NEDD9: variants seen among roughly 807,000 people sequenced by gnomAD.
NEDD9 encodes the protein enhancer of filamentation 1.
NEDD9 carries 26 observed loss-of-function variants against 76.6 expected under a neutral mutation model. The ratio of observed to expected loss-of-function variants is 0.34; its 90% confidence interval spans 0.25 to 0.47. The LOEUF is 0.47. Ranked by LOEUF, NEDD9 falls within the 20% of genes least tolerant of loss-of-function variation. NEDD9 has a pLI of 1.00. For synonymous variants in NEDD9, 392 were observed against 414.2 expected, an observed-to-expected ratio of 0.95 and a Z score of 0.65; for missense variants, 937 against 1,058.5, an observed-to-expected ratio of 0.89 and a Z score of 1.59.
intron 3 of NEDD9, among the ~76,000 whole-genome samples, chr6:11,290,317 G>C (rs1582001089): frequency 6.6e-6 from 1 of 152,154 alleles, no homozygotes; most frequent in Non-Finnish European, 1.5e-5. Context: ...CCCCCCAAAG[G>C]CTGTCTCCAC....
Position 11,198,894 on chromosome 6 carries a change from G to GA in NEDD9, c.460-5203_460-5202insT, listed in dbSNP as rs1417726908. On this transcript the variant is annotated intron_variant, in intron 2 of 6. Coordinates refer to ENST00000379446, the MANE Select transcript of NEDD9 (RefSeq NM_006403.4). The surrounding 1 kb of genome is among the most constrained non-coding windows in gnomAD (Gnocchi z 4.7). Reference sequence around the variant, plus strand: ...AGTGCCCTATCAGCCATGCATGGTAGTGTTGGGCAAGAGAGGGATCCAAGA... The same window carrying GA: ...AGTGCCCTATCAGCCATGCATGGTAGATGTTGGGCAAGAGAGGGATCCAAGA... The GA allele has an allele frequency of 6.6e-6, 1 of 152,304 alleles. No homozygotes were observed. Among genetic ancestry groups the GA allele is most frequent in the African/African-American group, 2.4e-5 (1 of 41,450 alleles). The allele number at this position is 152,304 out of a possible 1,614,324, so 9.4% of individuals were successfully genotyped here.
At chr6:11,344,912 G>T (rs1405146701) in intron 1 of NEDD9, among the ~76,000 whole-genome samples, 1 of 152,112 alleles carries the variant, frequency 6.6e-6, no homozygotes, top group Non-Finnish European at 1.5e-5. Context: ...GAAAAGAGTC[G>T]AAGTACTCAT....
At chr6:11,347,419 C>G (rs1247209517) in intron 1 of NEDD9, among the ~76,000 whole-genome samples, 1 of 152,146 alleles carries the variant, frequency 6.6e-6, no homozygotes, top group Non-Finnish European at 1.5e-5. Context: ...CCAACTCATT[C>G]TATGAAGCCT....
intron 1 of NEDD9, among the ~76,000 whole-genome samples, chr6:11,216,287 A>C (rs1267904764): frequency 6.6e-6 from 1 of 152,252 alleles, no homozygotes; most frequent in Non-Finnish European, 1.5e-5. Context: ...CCTTGGCCGA[A>C]CAGGAGTATG....
chr6:11,332,052 TC>T (rs1308386554), intron 2 of NEDD9, among the ~76,000 whole-genome samples: 1 of 152,236 alleles, frequency 6.6e-6, no homozygotes, highest in Non-Finnish European at 1.5e-5. Flanking sequence ...AAGCAACATG[TC>T]TTTCATGAGC....
At chr6:11,340,536 G>T (rs186830598) in intron 1 of NEDD9, among the ~76,000 whole-genome samples, 3 of 152,136 alleles carry the variant, frequency 2.0e-5, no homozygotes, top group Admixed American at 2.0e-4. Flanking sequence ...TATTTCCATT[G>T]TATAGAAATA....
chr6:11,278,853 C>T lies in NEDD9; in HGVS notation c.12+27139G>A, dbSNP rs1760471096. 5.3e-5 allele frequency among the ~76,000 whole-genome samples: 8 copies of T among 151,608 alleles called. No homozygotes were observed. The South Asian group carries it at 1.5e-3, about 28-fold the overall frequency. On this transcript the variant is annotated intron_variant, in intron 3 of 3. Transcript: ENST00000397378. Reference sequence around the variant, plus strand: ...GGCAATTACTAGAAGGCAGGGATTACAGATGGACAGGTCGGGAGATGTAAG... The same window carrying T: ...GGCAATTACTAGAAGGCAGGGATTATAGATGGACAGGTCGGGAGATGTAAG...
At chr6:11,217,006 G>A (rs1026987397) in intron 1 of NEDD9, among the ~76,000 whole-genome samples, 4 of 152,200 alleles carry the variant, frequency 2.6e-5, no homozygotes, top group Admixed American at 2.6e-4. Context: ...GCATTCAAGG[G>A]AACTTCTGAG....
chr6:11,315,258 T>G (rs1312452162), intron 2 of NEDD9, among the ~76,000 whole-genome samples: 4 of 152,216 alleles, frequency 2.6e-5, no homozygotes, highest in African/African-American at 9.7e-5. Context: ...CACGTTGGGA[T>G]TCACACAGTT....
intron 1 of NEDD9, among the ~76,000 whole-genome samples, chr6:11,366,433 GAAAGAAAGAAA>G (rs554395179): frequency 8.5e-4 from 129 of 150,984 alleles, no homozygotes; most frequent in African/African-American, 2.8e-3. Flanking sequence ...AAGAAAGGAA[GAAAGAAAGAAA>G]AAAGAAAGAA....
In NEDD9 at chr6:11,213,680, C is replaced by G. The variant is rs758822813; in HGVS notation, c.60G>C (p.Glu20Asp). ...ALYDNVPECA[E>D]ELAFRKGDIL... ...TGTCTCCCTTGCGAAAGGCCAGTTC[C>G]TCGGCACACTCTGGGACATTGTCAT... The change falls in exon 2 of 7, where the codon GAG (glutamate) becomes GAC (aspartate). Residue 20 changes from glutamate (E) to aspartate (D), a missense_variant. Coordinates refer to ENST00000379446, the MANE Select transcript of NEDD9 (RefSeq NM_006403.4). The surrounding 1 kb of genome is among the most constrained non-coding windows in gnomAD (Gnocchi z 5.4). The G allele has an allele frequency of 1.9e-6, 3 of 1,614,110 alleles. No homozygotes were observed. The highest frequency in any genetic ancestry group is 2.5e-6 in the Non-Finnish European group (3 of 1,180,036).
intron 3 of NEDD9, among the ~76,000 whole-genome samples, chr6:11,262,505 G>T (rs1412609314): frequency 1.3e-5 from 2 of 152,148 alleles, no homozygotes; most frequent in African/African-American, 4.8e-5. Flanking sequence ...CATAGGCTTT[G>T]TTCACTTCCC....
Position 11,217,230 on chromosome 6 carries a change from G to A in NEDD9, c.13-3503C>T, listed in dbSNP as rs888973763. The stretch of plus-strand genomic sequence containing the variant: ...TCTCATTCAAAAGTGCACATCAGTC[G>A]TAATAGGAAAATCAAGAATGAATTC... On this transcript the variant is annotated intron_variant, in intron 1 of 6. Coordinates refer to ENST00000379446, the MANE Select transcript of NEDD9 (RefSeq NM_006403.4). Among the ~76,000 whole-genome samples, 5 of 152,306 alleles carry A rather than the reference G, an allele frequency of 3.3e-5. No individual in the cohort carries two copies. The East Asian group carries it at 7.7e-4, about 24-fold the overall frequency.
In NEDD9 at chr6:11,198,773, A is replaced by T. The variant is rs1758352129; in HGVS notation, c.460-5081T>A. ...ACTAAAGGAAAACTGAAGGCTATTA[A>T]GCAAGATGGCGTGAGGTCTGCCACT... On this transcript the variant is annotated intron_variant, in intron 2 of 6. Coordinates refer to ENST00000379446, the MANE Select transcript of NEDD9 (RefSeq NM_006403.4). This position sits in a 1 kb window ranked among gnomAD's most constrained non-coding sequence, Gnocchi z 4.7. The T allele has an allele frequency of 6.6e-6, 1 of 152,326 alleles. No individual in the cohort carries two copies. The highest frequency in any genetic ancestry group is 6.5e-5 in the Admixed American group (1 of 15,296). The allele number at this position is 152,326 out of a possible 1,614,324, so 9.4% of individuals were successfully genotyped here. A position where few individuals can be genotyped will look rare whatever the true frequency, so the allele number is the denominator to read the frequency against.
chr6:11,232,991 C>A (rs1227433015), upstream of NEDD9, among the ~76,000 whole-genome samples: 1 of 152,088 alleles, frequency 6.6e-6, no homozygotes, highest in African/African-American at 2.4e-5. Context: ...CAAAAGCAGT[C>A]TGACAGTCGC....
chr6:11,270,365 ACC>A (rs1397725217), intron 3 of NEDD9, among the ~76,000 whole-genome samples: 9 of 143,348 alleles, frequency 6.3e-5, no homozygotes, highest in Admixed American at 2.1e-4. Flanking sequence ...CCTCCCCTCA[ACC>A]TTTTTTTTTT....
intron 3 of NEDD9, among the ~76,000 whole-genome samples, chr6:11,303,889 T>A (rs1012731236): frequency 6.6e-6 from 1 of 152,216 alleles, no homozygotes; most frequent in Non-Finnish European, 1.5e-5. Flanking sequence ...ATTCAGGACA[T>A]AGACATGGGC....
At position 11,213,990 on chromosome 6, in the gene NEDD9, T is replaced by C. The variant is rs763322355; in HGVS notation, c.13-263A>G. On this transcript the variant is annotated intron_variant, in intron 1 of 6. Coordinates refer to ENST00000379446, the MANE Select transcript of NEDD9 (RefSeq NM_006403.4). The surrounding 1 kb of genome is among the most constrained non-coding windows in gnomAD (Gnocchi z 5.4). The stretch of plus-strand genomic sequence containing the variant: ...TTCTTTCCTCTAGCAGGATATGCCG[T>C]GCCAAGGAATTATGAGTAGCAGTGT... Among the ~76,000 whole-genome samples, 19 of 152,192 alleles carry C rather than the reference T, an allele frequency of 1.2e-4. No individual in the cohort carries two copies. Among genetic ancestry groups the C allele is most frequent in the Non-Finnish European group, 2.5e-4 (17 of 68,038 alleles).
At chr6:11,299,101 C>T (rs976029607) in intron 3 of NEDD9, among the ~76,000 whole-genome samples, 2 of 152,190 alleles carry the variant, frequency 1.3e-5, no homozygotes, top group African/African-American at 4.8e-5. Context: ...GAAGCCATGA[C>T]AGACTGTACC....
Sources: allele counts gnomAD v4.1 joint callset (sites outside exome capture counted in the v4.1 genomes callset), GRCh38; gene constraint gnomAD v4.1.1; non-coding constraint Gnocchi (gnomAD v3.1); transcripts MANE v1.5; gene names NCBI Gene and HGNC (gene_info 2026-07-23, HGNC 2026-07-21).